The following HSPA9 variants were observed in gnomAD, a reference collection of about 807,000 sequenced individuals.
HSPA9 encodes heat shock protein family A (Hsp70) member 9, also known as stress-70 protein, mitochondrial.
In HSPA9, 28 loss-of-function variants were observed where a neutral mutation model predicts 81.5. The ratio of observed to expected loss-of-function variants is 0.34; its 90% CI spans 0.25 to 0.47. The LOEUF (loss-of-function observed/expected upper bound fraction) is 0.47, where lower values mean the gene tolerates loss of function less well. HSPA9 is among the 20% of genes least tolerant of loss of function. The probability of loss-of-function intolerance (pLI) is 1.00; values close to 1 mark genes in which losing one functional copy is unlikely to be tolerated. For synonymous variants in HSPA9, 293 were observed against 290.4 expected, an observed-to-expected ratio of 1.01 and a Z score of -0.09; for missense variants, 678 against 838.0, an observed-to-expected ratio of 0.81 and a Z score of 2.36.
chr5:138,575,315 T>C lies in HSPA9; in HGVS notation c.4A>G (p.Ile2Val), dbSNP rs1226785464. The C allele has an allele frequency of 1.2e-6, 2 of 1,611,054 alleles. No individual in the cohort carries two copies. Among genetic ancestry groups the C allele is most frequent in the South Asian group, 1.1e-5 (1 of 90,848 alleles). The change falls in exon 1 of 17, where the codon ATA becomes GTA. Residue 2 changes from isoleucine (I) to valine (V), a missense_variant. Physicochemically the swap from Ile to Val is conservative, Grantham distance 29. Coordinates refer to ENST00000297185, the MANE Select transcript of HSPA9 (RefSeq NM_004134.7). Reference sequence around the variant, plus strand: ...GCTGCTGCAGCTCGGCTGGCACTTATCATGGCGGATAAATGGAGGAGTACG... The same window carrying C: ...GCTGCTGCAGCTCGGCTGGCACTTACCATGGCGGATAAATGGAGGAGTACG... M[I>V]SASRAAAARL...
rs1262384683 is a variant in HSPA9 at position 138,555,972 on chromosome 5, T to C, written c.*65A>G. On this transcript the variant is annotated 3_prime_UTR_variant, in exon 17 of 17. Transcript: ENST00000297185. ...AAGACTGAAGTTCGCCCATTTCTGC[T>C]CAGGAAGTCTCTTCACTCCTAAGCT... The C allele has an allele frequency of 1.5e-5, 17 of 1,148,598 alleles. No individual in the cohort carries two copies. Among genetic ancestry groups the C allele is most frequent in the Middle Eastern group, 2.3e-4 (1 of 4,258 alleles). The allele number at this position is 1,148,598 out of a possible 1,614,324, so 71.2% of individuals were successfully genotyped here. A position where few individuals can be genotyped will look rare whatever the true frequency, so the allele number is the denominator to read the frequency against.
chr5:138,559,430 C>G (rs190445591), intron 11 of HSPA9, among the ~76,000 whole-genome samples: 1 of 152,278 alleles, frequency 6.6e-6, no homozygotes, highest in Admixed American at 6.5e-5. Flanking sequence ...CAAGAACAAG[C>G]CATGTCCAAG....
At chr5:138,567,317 G>C (rs188412586) in intron 7 of HSPA9, 138 bp downstream of exon 7, 9 of 997,112 alleles carry the variant, frequency 9.0e-6, no homozygotes, top group Non-Finnish European at 1.4e-5. Context: ...GAAAAGAAAA[G>C]AATGGTTTTG....
intron 9 of HSPA9, among the ~76,000 whole-genome samples, chr5:138,566,111 C>T (rs1357289364): frequency 1.3e-5 from 2 of 150,622 alleles, no homozygotes; most frequent in African/African-American, 4.9e-5. Context: ...TCACTTGAAC[C>T]CAGGAGGCAG....
In HSPA9 at chr5:138,571,012, T is replaced by C. The variant is rs1170593231; in HGVS notation, c.358A>G (p.Thr120Ala). The change falls in exon 4 of 17, where the codon ACC becomes GCC. Residue 120 changes from threonine (T) to alanine (A), a missense_variant. Physicochemically the swap from Thr to Ala is moderately conservative, Grantham distance 58. Transcript: ENST00000297185. ...TATCGCCGGCCAATGAGACGCTTGGTAGCATAAAATGTATTGTTTGGGTTG... is the reference window on the plus strand; with the variant it reads ...TATCGCCGGCCAATGAGACGCTTGGCAGCATAAAATGTATTGTTTGGGTTG... ...VTNPNNTFYA[T>A]KRLIGRRYDD... 6.2e-7 allele frequency: 1 copy of C among 1,614,176 alleles called. No homozygotes were observed.
At chr5:138,565,576 T>TA (rs1455106444) in intron 9 of HSPA9, among the ~76,000 whole-genome samples, 1 of 152,234 alleles carries the variant, frequency 6.6e-6, no homozygotes, top group Non-Finnish European at 1.5e-5. Flanking sequence ...ATGGTTTATA[T>TA]AATTCTATTC....
In HSPA9 at chr5:138,555,550, T is replaced by C; in HGVS notation, c.*487A>G. 5.2e-6 allele frequency: 1 copy of C among 193,026 alleles called. No individual in the cohort carries two copies. Among genetic ancestry groups the C allele is most frequent in the Non-Finnish European group, 1.1e-5 (1 of 92,500 alleles). 12.0% of individuals were successfully genotyped at this position (193,026 alleles called of 1,614,324 possible). On this transcript the variant is annotated 3_prime_UTR_variant, in exon 17 of 17. Coordinates refer to ENST00000297185, the MANE Select transcript of HSPA9 (RefSeq NM_004134.7). ...CATTGTTCTAGATTCCTCTGCCCCA[T>C]CTACAAACATGGCACAGCCAGCTTG...
Position 138,567,485 on chromosome 5 carries a change from G to A in HSPA9, c.686C>T (p.Ala229Val). The A allele has an allele frequency of 6.2e-7, 1 of 1,613,884 alleles. No individual in the cohort carries two copies. The highest frequency in any genetic ancestry group is 1.1e-5 in the South Asian group (1 of 91,072). ...GTCTTCTGATTTGTCTAGACCATAG[G>A]CAAGAGCAGCAGCTGTGGGCTCATT... is the stretch of plus-strand genomic sequence containing the variant. The part of the protein sequence containing the change: ...VINEPTAAAL[A>V]YGLDKSEDKV... The change falls in exon 7 of 17, where the codon GCC (alanine) becomes GTC (valine). Residue 229 changes from alanine to valine, a missense_variant. By Grantham distance (64) the Ala-to-Val change is moderately conservative (BLOSUM62 0). This residue lies in a region of HSPA9 where 484 missense variants were observed against 647.5 expected (regional missense o/e 0.75). Transcript: ENST00000297185.
intron 4 of HSPA9, 25 bp from the exon 5 acceptor site, chr5:138,569,074 G>T: frequency 6.2e-7 from 1 of 1,611,300 alleles, no homozygotes; most frequent in South Asian, 1.1e-5. Context: ...AATTCTATTA[G>T]AGAAAACTAC....
At position 138,571,270 on chromosome 5, in the gene HSPA9, T is replaced by G; in HGVS notation, c.229-129A>C. 1.1e-5 allele frequency: 10 copies of G among 895,400 alleles called. No homozygotes were observed. The South Asian group carries it at 1.3e-4, about 11-fold the overall frequency. The allele number at this position is 895,400 out of a possible 1,614,324, so 55.5% of individuals were successfully genotyped here. On this transcript the variant is annotated intron_variant, in intron 3 of 16. Coordinates refer to ENST00000297185, the MANE Select transcript of HSPA9 (RefSeq NM_004134.7). The stretch of plus-strand genomic sequence containing the variant: ...ATCTTGGCTCACTGCAACCTCCGCA[T>G]CCTGGGTTCAAGCGATTCTTCTGTC...
In HSPA9 at chr5:138,554,537, A is replaced by C. The variant is rs187614338; in HGVS notation, c.*1500T>G. ...GGTGTTAACAAGCACTGAATCTTCC[A>C]AAAATGTTGTCTAAATCACTTCCTT... On this transcript the variant is annotated 3_prime_UTR_variant, in exon 17 of 17. Coordinates refer to ENST00000297185, the MANE Select transcript of HSPA9 (RefSeq NM_004134.7). Among the ~76,000 whole-genome samples, 2 of 152,358 alleles carry C rather than the reference A, an allele frequency of 1.3e-5. No homozygotes were observed. The highest frequency in any genetic ancestry group is 1.3e-4 in the Admixed American group (2 of 15,304).
At chr5:138,564,091 T>G (rs1198902653) in intron 9 of HSPA9, among the ~76,000 whole-genome samples, 1 of 152,170 alleles carries the variant, frequency 6.6e-6, no homozygotes, top group African/African-American at 2.4e-5. Context: ...TAGATTATTT[T>G]TATTATTTTT....
rs1170379559 is a variant in HSPA9 at position 138,554,057 on chromosome 5, GTTTC to G, written c.*1976_*1979del. ...ACCTCGGTTCCATAATTGTGAGCCA[GTTTC>G]TTTCTTACAGTAAATCTTATTCTAG... On this transcript the variant is annotated 3_prime_UTR_variant, in exon 17 of 17. Coordinates refer to ENST00000297185, the MANE Select transcript of HSPA9 (RefSeq NM_004134.7). 1.3e-5 allele frequency among the ~76,000 whole-genome samples: 2 copies of G among 152,182 alleles called. No homozygotes were observed. Among genetic ancestry groups the G allele is most frequent in the African/African-American group, 2.4e-5 (1 of 41,434 alleles).
At chr5:138,572,595 G>C (rs773429724) in intron 3 of HSPA9, among the ~76,000 whole-genome samples, 3 of 152,166 alleles carry the variant, frequency 2.0e-5, no homozygotes, top group Non-Finnish European at 2.9e-5. Context: ...GCAAGATTTA[G>C]AACACCTGGA....
Position 138,575,367 on chromosome 5 carries a change from A to T in HSPA9, c.-49T>A. ...GGCAGCAAACAAGCGCTCCGACGGC[A>T]AAGAGCTGCGCGATGCGGTGGCGGC... On this transcript the variant is annotated 5_prime_UTR_variant, in exon 1 of 17. Coordinates refer to ENST00000297185, the MANE Select transcript of HSPA9 (RefSeq NM_004134.7). 6.7e-7 allele frequency: 1 copy of T among 1,481,904 alleles called. No individual in the cohort carries two copies. The highest frequency in any genetic ancestry group is 9.4e-7 in the Non-Finnish European group (1 of 1,065,250). The allele number at this position is 1,481,904 out of a possible 1,614,324, so 91.8% of individuals were successfully genotyped here.
chr5:138,566,503 CT>C (rs1750765617), intron 9 of HSPA9, 122 bp downstream of exon 9: 14 of 776,144 alleles, frequency 1.8e-5, no homozygotes, highest in Admixed American at 1.1e-4. Context: ...AACCAGAAAA[CT>C]GAAAAAACAA....
At chr5:138,559,235 A>G (rs1750599282) in intron 11 of HSPA9, among the ~76,000 whole-genome samples, 2 of 152,044 alleles carry the variant, frequency 1.3e-5, no homozygotes, top group African/African-American at 2.4e-5. Flanking sequence ...CCTCCTGAGT[A>G]GCTGGGACTA....
rs914702928 is a variant in HSPA9 at position 138,555,399 on chromosome 5, C to G, written c.*638G>C. 1.3e-5 allele frequency: 2 copies of G among 152,224 alleles called. No individual in the cohort carries two copies. Among genetic ancestry groups the G allele is most frequent in the Admixed American group, 6.5e-5 (1 of 15,286 alleles). 9.4% of individuals were successfully genotyped at this position (152,224 alleles called of 1,614,324 possible). On this transcript the variant is annotated 3_prime_UTR_variant, in exon 17 of 17. Coordinates refer to ENST00000297185, the MANE Select transcript of HSPA9 (RefSeq NM_004134.7). The stretch of plus-strand genomic sequence containing the variant: ...CCAGAATGGGTAAGAGAACAATCAT[C>G]AAGGATGTAGGTGCCAGACACAGGG...
Position 138,560,240 on chromosome 5 carries a change from T to C in HSPA9, c.1183-149A>G, listed in dbSNP as rs889461969. On this transcript the variant is annotated intron_variant, in intron 10 of 16. Transcript: ENST00000297185. ...GTTTATTCAAATAACCATTTCGTACTTGGGTTCCTGCTAATGATCTTCTAA... is the reference window on the plus strand; with the variant it reads ...GTTTATTCAAATAACCATTTCGTACCTGGGTTCCTGCTAATGATCTTCTAA... The C allele has an allele frequency of 4.6e-5, 32 of 691,866 alleles. No individual in the cohort carries two copies. The East Asian group carries it at 7.0e-4, about 15-fold the overall frequency. 42.9% of individuals were successfully genotyped at this position (691,866 alleles called of 1,614,324 possible).
Sources: gnomAD v4.1 joint callset for allele counts (sites outside exome capture counted in the v4.1 genomes callset) on GRCh38, gnomAD v4.1.1 for gene constraint, gnomAD v4.1.1 regional missense constraint, MANE v1.5 for transcripts, NCBI Gene and HGNC (gene_info 2026-07-23, HGNC 2026-07-21) for gene names.